C1QTNF6: variants seen among roughly 807,000 people sequenced by gnomAD.
C1QTNF6 encodes C1q and TNF related 6, also known as complement C1q tumor necrosis factor-related protein 6.
C1QTNF6 carries 17 observed loss-of-function variants against 20.7 expected under a neutral mutation model. That is an observed-to-expected ratio of 0.82 (90% CI 0.56 to 1.23). The LOEUF is 1.23. C1QTNF6 is among the 50% of genes most tolerant of loss of function. C1QTNF6 has a pLI of 0.00. For missense variants in C1QTNF6, 329 were observed against 389.7 expected (o/e 0.84, Z 1.31); for synonymous variants, 130 against 156.3 (o/e 0.83, Z 1.25).
At chr22:37,185,978 C>T in intron 1 of C1QTNF6, 1 of 985,748 alleles carries the variant, frequency 1.0e-6, no homozygotes, top group Non-Finnish European at 1.2e-6. Context: ...GTGGAGGGTT[C>T]TGGAGGCTTG....
At position 37,185,414 on chromosome 22, in the gene C1QTNF6, C is replaced by T. The variant is rs200808221; in HGVS notation, c.93G>A (p.Ala31=). ...GTAALGPVWA[A]LLLFLLMCEI... ...CACACATCAGGAGAAAGAGCAGGAG[C>T]GCTGCCCAGACGGGACCCAGGGCGG... is the stretch of plus-strand genomic sequence containing the variant. Residue 31 remains alanine, a synonymous_variant, in exon 2 of 3, where the codon GCG becomes GCA. Transcript: ENST00000337843. 3.1e-5 allele frequency: 50 copies of T among 1,611,604 alleles called. No individual in the cohort carries two copies. Among genetic ancestry groups the T allele is most frequent in the African/African-American group, 2.7e-5 (2 of 74,838 alleles).
chr22:37,185,547 C>A lies in C1QTNF6; in HGVS notation c.52-92G>T, dbSNP rs200475197. ...GTGGGCGGGTGCTGCGTCCTCCAGC[C>A]ACAGCACTCCTGACCTAACTCCAGA... On this transcript the variant is annotated intron_variant, in intron 1 of 2. Transcript: ENST00000337843. 2.4e-5 allele frequency: 34 copies of A among 1,434,034 alleles called. No individual in the cohort carries two copies. The East Asian group carries it at 8.7e-4, about 37-fold the overall frequency. The allele number at this position is 1,434,034 out of a possible 1,614,324, so 88.8% of individuals were successfully genotyped here. A position where few individuals can be genotyped will look rare whatever the true frequency, so the allele number is the denominator to read the frequency against.
Position 37,180,869 on chromosome 22 carries a change from T to A in C1QTNF6, c.*1319A>T, listed in dbSNP as rs1377739207. The stretch of plus-strand genomic sequence containing the variant: ...TCTTCTCGCAGGATGCCGTATCAGC[T>A]GTGGGGAGAGCTATGGGTGTGGGTT... On this transcript the variant is annotated 3_prime_UTR_variant, in exon 3 of 3. Transcript: ENST00000337843. The A allele has an allele frequency of 6.5e-6, 1 of 152,798 alleles. No homozygotes were observed. Among genetic ancestry groups the A allele is most frequent in the Non-Finnish European group, 1.5e-5 (1 of 68,510 alleles). 9.5% of individuals were successfully genotyped at this position (152,798 alleles called of 1,614,324 possible).
intron 1 of C1QTNF6, among the ~76,000 whole-genome samples, chr22:37,186,446 C>T (rs899791066): frequency 1.3e-5 from 2 of 152,158 alleles, no homozygotes; most frequent in African/African-American, 2.4e-5. Flanking sequence ...TGTCAATCAT[C>T]GTAGACCTGC....
chr22:37,194,914 G>A (rs762410729), intron 2 of C1QTNF6, among the ~76,000 whole-genome samples: 2 of 152,226 alleles, frequency 1.3e-5, no homozygotes, highest in African/African-American at 2.4e-5. Context: ...TGCCTGCCGG[G>A]GGGTGGAGAA....
chr22:37,191,362 A>T (rs1924808930), upstream of C1QTNF6, among the ~76,000 whole-genome samples: 1 of 152,196 alleles, frequency 6.6e-6, no homozygotes, highest in African/African-American at 2.4e-5. Context: ...ACACATACCA[A>T]TAACATATTT....
upstream of C1QTNF6, among the ~76,000 whole-genome samples, chr22:37,191,969 G>A (rs189630248): frequency 1.3e-5 from 2 of 152,266 alleles, no homozygotes; most frequent in Admixed American, 6.5e-5. Flanking sequence ...GAGTATACCA[G>A]TGCTCTAAGA....
chr22:37,182,129 C>T lies in C1QTNF6; in HGVS notation c.*59G>A. On this transcript the variant is annotated 3_prime_UTR_variant, in exon 3 of 3. Transcript: ENST00000337843. Reference sequence around the variant, plus strand: ...TGCTTCACAGCAGTGCAAACTGAGCCCTGCAGGGGACGGGACCAGCACCTG... The same window carrying T: ...TGCTTCACAGCAGTGCAAACTGAGCTCTGCAGGGGACGGGACCAGCACCTG... 1 of 1,528,758 alleles carries T rather than the reference C, an allele frequency of 6.5e-7. No individual in the cohort carries two copies. The allele number at this position is 1,528,758 out of a possible 1,614,324, so 94.7% of individuals were successfully genotyped here.
intron 2 of C1QTNF6, among the ~76,000 whole-genome samples, chr22:37,183,909 T>G (rs1924024261): frequency 6.6e-6 from 1 of 152,168 alleles, no homozygotes. Context: ...GAGACCAGCC[T>G]GACTCACTGG....
chr22:37,199,379 G>C (rs919644160), upstream of C1QTNF6: 3 of 152,480 alleles, frequency 2.0e-5, no homozygotes, highest in African/African-American at 7.2e-5. Flanking sequence ...TGGCCCACCC[G>C]GGCCTCGCGC....
Position 37,182,702 on chromosome 22 carries a change from G to C in C1QTNF6, c.323C>G (p.Pro108Arg). Residue 108 changes from proline to arginine, a missense_variant, in exon 3 of 3, where the codon CCA becomes CGA. By Grantham distance (103) the Pro-to-Arg change is moderately radical. Coordinates refer to ENST00000337843, the MANE Select transcript of C1QTNF6 (RefSeq NM_031910.4). ...GGGACCCTCCCTGCCCATGTACCCT[G>C]GCAGGCCCATTGGGCCTGGGTCCCC... ...DKGDPGPMGL[P>R]GYMGREGPQG... The C allele has an allele frequency of 6.2e-7, 1 of 1,612,134 alleles. No homozygotes were observed. Among genetic ancestry groups the C allele is most frequent in the Non-Finnish European group, 8.5e-7 (1 of 1,179,668 alleles).
chr22:37,186,608 G>A (rs1420874449), intron 1 of C1QTNF6, among the ~76,000 whole-genome samples: 1 of 152,208 alleles, frequency 6.6e-6, no homozygotes, highest in African/African-American at 2.4e-5. Context: ...GAGGCAGGAA[G>A]TAGCCTGGAC....
intron 1 of C1QTNF6, chr22:37,196,712 A>T (rs918132774): frequency 6.6e-6 from 1 of 152,262 alleles, no homozygotes; most frequent in African/African-American, 2.4e-5. Flanking sequence ...CCTGCAGGTC[A>T]GGGCCGTCCT....
chr22:37,194,108 C>G lies in C1QTNF6; in HGVS notation n.224+1273G>C, dbSNP rs145682684. Among the ~76,000 whole-genome samples the G allele has an allele frequency of 3.4e-5, 5 of 147,808 alleles. No individual in the cohort carries two copies. In the Admixed American group the frequency reaches 3.4e-4, roughly 10 times the overall value. On this transcript the variant is annotated intron_variant and non_coding_transcript_variant, in intron 2 of 4. Transcript: ENST00000467564. Reference sequence around the variant, plus strand: ...GAGACTAAGAGAAAGTACTCCCACACGGTCACAAGGTTAAACTTGCAAGGA... The same window carrying G: ...GAGACTAAGAGAAAGTACTCCCACAGGGTCACAAGGTTAAACTTGCAAGGA...
At chr22:37,188,103 G>A (rs985886340) in intron 1 of C1QTNF6, 60 bp downstream of exon 1, 76 of 1,539,614 alleles carry the variant, frequency 4.9e-5, no homozygotes, top group Middle Eastern at 4.0e-4. Context: ...CAAGGAGGGA[G>A]GAGAGGAATT....
Position 37,181,833 on chromosome 22 carries a change from T to C in C1QTNF6, c.*355A>G, listed in dbSNP as rs960307090. 5.7e-5 allele frequency: 16 copies of C among 280,792 alleles called. No homozygotes were observed. Among genetic ancestry groups the C allele is most frequent in the Non-Finnish European group, 8.1e-5 (12 of 148,004 alleles). The allele number at this position is 280,792 out of a possible 1,614,324, so 17.4% of individuals were successfully genotyped here. A position where few individuals can be genotyped will look rare whatever the true frequency, so the allele number is the denominator to read the frequency against. On this transcript the variant is annotated 3_prime_UTR_variant, in exon 3 of 3. Transcript: ENST00000337843. ...CCCATCAGCATCACCCAGGAACATA[T>C]GAGAAACACAGAATCCTGGACCCAC...
rs1025077825 is a variant in C1QTNF6, at chr22:37,184,687, G to C, written c.289+531C>G. Among the ~76,000 whole-genome samples, 3 of 152,124 alleles carry C rather than the reference G, an allele frequency of 2.0e-5. No individual in the cohort carries two copies. Among genetic ancestry groups the C allele is most frequent in the Non-Finnish European group, 4.4e-5 (3 of 68,000 alleles). On this transcript the variant is annotated intron_variant, in intron 2 of 2. Transcript: ENST00000337843. This position sits in a 1 kb window ranked among gnomAD's most constrained non-coding sequence, Gnocchi z 4.0. ...CCCTGTCCCACCCAAACCTGCCCCT[G>C]TTCCCACTCCACTCAGCGGAGCCCA...
chr22:37,193,864 A>C (rs1924964634), intron 2 of C1QTNF6, among the ~76,000 whole-genome samples: 1 of 152,212 alleles, frequency 6.6e-6, no homozygotes, highest in Non-Finnish European at 1.5e-5. Context: ...TAGATATTAA[A>C]CCAGAAAGGA....
upstream of C1QTNF6, among the ~76,000 whole-genome samples, chr22:37,192,954 C>T (rs895258693): frequency 6.6e-6 from 1 of 152,166 alleles, no homozygotes; most frequent in Non-Finnish European, 1.5e-5. Flanking sequence ...CAAAACAGAA[C>T]CCCAAAATTA....
Sources: allele counts gnomAD v4.1 joint callset (sites outside exome capture counted in the v4.1 genomes callset), GRCh38; gene constraint gnomAD v4.1.1; non-coding constraint Gnocchi (gnomAD v3.1); transcripts MANE v1.5; gene names NCBI Gene and HGNC (gene_info 2026-07-23, HGNC 2026-07-21).